The following INPP5B variants were observed in gnomAD, a reference collection of about 807,000 sequenced individuals.
The protein encoded by INPP5B is type II inositol 1,4,5-trisphosphate 5-phosphatase.
INPP5B carries 90 observed loss-of-function variants against 118.5 expected under a neutral mutation model. That is an observed-to-expected ratio of 0.76 (90% confidence interval 0.64 to 0.90). The LOEUF is 0.90. Ranked by LOEUF, INPP5B falls within the 40% of genes least tolerant of loss-of-function variation. The pLI, the probability that INPP5B is intolerant of heterozygous loss-of-function variation, is 0.00. For missense variants in INPP5B, 984 were observed against 1,125.6 expected (o/e 0.87, Z 1.80); for synonymous variants, 385 against 418.9 (o/e 0.92, Z 0.99).
chr1:37,928,977 G>A (rs1645345473), intron 7 of INPP5B: 1 of 152,064 alleles, frequency 6.6e-6, no homozygotes. Context: ...ACTCTCCTCT[G>A]AGGCCAGAAC....
intron 7 of INPP5B, among the ~76,000 whole-genome samples, chr1:37,903,750 C>A (rs944705777): frequency 1.3e-4 from 20 of 151,416 alleles, no homozygotes; most frequent in African/African-American, 4.9e-4. Context: ...ATTAGCTGGG[C>A]ATGGTAGTGC....
At chr1:37,922,699 A>T (rs1283438069) in intron 7 of INPP5B, among the ~76,000 whole-genome samples, 1 of 152,206 alleles carries the variant, frequency 6.6e-6, no homozygotes, top group Non-Finnish European at 1.5e-5. Flanking sequence ...CCGTCTCAAA[A>T]AAATAAATAA....
intron 15 of INPP5B, among the ~76,000 whole-genome samples, chr1:37,878,796 T>C (rs1389702313): frequency 1.3e-5 from 2 of 151,662 alleles, no homozygotes; most frequent in African/African-American, 4.8e-5. Context: ...ACTATAGGTG[T>C]GCACCGCCAT....
At chr1:37,912,249 C>T (rs144376942) in intron 7 of INPP5B, among the ~76,000 whole-genome samples, 7 of 152,320 alleles carry the variant, frequency 4.6e-5, no homozygotes, top group South Asian at 2.1e-4. Flanking sequence ...TATAGTACCC[C>T]AATGGCTGTT....
At chr1:37,876,745 G>A (rs1308375698) in intron 16 of INPP5B, among the ~76,000 whole-genome samples, 3 of 151,026 alleles carry the variant, frequency 2.0e-5, no homozygotes, top group African/African-American at 4.9e-5. Flanking sequence ...GTGTGGTGGC[G>A]GGCGCCTGCC....
In INPP5B at chr1:37,872,932, G is replaced by C; in HGVS notation, c.2185C>G (p.Leu729Val). ...TTTCTTTGTGGCATATTACTCACCA[G>C]CTCACTAATGGTTTCAAGTGGTAGG... Reference protein sequence around the residue: ...LDLPLETISELTLMPVWTGDD... With the variant: ...LDLPLETISEVTLMPVWTGDD... The change falls in exon 19 of 24, where the codon CTG becomes GTG. Residue 729 changes from leucine to valine, a missense_variant and splice_region_variant. Leu to Val is a conservative substitution (Grantham distance 32, BLOSUM62 1). Coordinates refer to ENST00000373024, the MANE Select transcript of INPP5B (RefSeq NM_005540.3). The C allele has an allele frequency of 1.2e-6, 2 of 1,609,620 alleles. No homozygotes were observed. Among genetic ancestry groups the C allele is most frequent in the African/African-American group, 1.3e-5 (1 of 74,934 alleles).
At position 37,875,731 on chromosome 1, in the gene INPP5B, T is replaced by G. The variant is rs748708214; in HGVS notation, c.1678-15A>C. 1.3e-6 allele frequency: 2 copies of G among 1,589,190 alleles called. No individual in the cohort carries two copies. The highest frequency in any genetic ancestry group is 2.7e-5 in the African/African-American group (2 of 74,442). ...ACGACCCTCACCTGAAAGGGAAACA[T>G]CAGAGACTGAGTACCTTGGCTTCTG... On this transcript the variant is annotated splice_polypyrimidine_tract_variant and intron_variant, in intron 16 of 23. Coordinates refer to ENST00000373024, the MANE Select transcript of INPP5B (RefSeq NM_005540.3).
intron 19 of INPP5B, among the ~76,000 whole-genome samples, chr1:37,869,628 C>T (rs527635078): frequency 1.3e-5 from 2 of 151,996 alleles, no homozygotes; most frequent in South Asian, 4.2e-4. Context: ...TACAGGCGCC[C>T]ACCACTGCAC....
chr1:37,878,400 T>G (rs1642976264), intron 15 of INPP5B, 77 bp from the exon 16 acceptor site: 7 of 1,572,830 alleles, frequency 4.5e-6, no homozygotes, highest in African/African-American at 1.3e-5. Flanking sequence ...CTGGCTCAGG[T>G]GGGGAGTGAT....
intron 7 of INPP5B, among the ~76,000 whole-genome samples, chr1:37,893,085 CTTTT>C (rs71053999): frequency 6.1e-5 from 5 of 81,422 alleles, no homozygotes; most frequent in South Asian, 8.1e-4. Flanking sequence ...TTTTCTTTTT[CTTTT>C]TTTTTTTTTT....
At chr1:37,943,522 G>A (rs2148700507) in intron 5 of INPP5B, 118 bp downstream of exon 5, 1 of 1,036,734 alleles carries the variant, frequency 9.6e-7, no homozygotes, top group East Asian at 2.4e-5. Flanking sequence ...AGATCCTACA[G>A]GGTCTTACTT....
chr1:37,889,740 T>C lies in INPP5B; in HGVS notation c.630-16A>G. ...TTTATTCTGTCTGGAAAAACAGAAGTATTTTTTTCATATGTGGATGAGTCC... is the reference window on the plus strand; with the variant it reads ...TTTATTCTGTCTGGAAAAACAGAAGCATTTTTTTCATATGTGGATGAGTCC... On this transcript the variant is annotated splice_polypyrimidine_tract_variant and intron_variant, in intron 8 of 23. Coordinates refer to ENST00000373024, the MANE Select transcript of INPP5B (RefSeq NM_005540.3). The C allele has an allele frequency of 2.5e-6, 4 of 1,596,712 alleles. No homozygotes were observed. The highest frequency in any genetic ancestry group is 3.4e-6 in the Non-Finnish European group (4 of 1,169,554).
chr1:37,864,589 A>G lies in INPP5B; in HGVS notation c.2515-166T>C, dbSNP rs1053556325. The G allele has an allele frequency of 7.2e-5, 35 of 488,444 alleles. 1 individual carries two copies. The Middle Eastern group carries it at 2.4e-3, about 34-fold the overall frequency. 30.3% of individuals were successfully genotyped at this position (488,444 alleles called of 1,614,324 possible). On this transcript the variant is annotated intron_variant, in intron 22 of 23. Transcript: ENST00000373024. ...AAGTATCAAAAGAGAGGTACGGGTC[A>G]AATGCAACATGAATTTAGAAGTCAA...
intron 14 of INPP5B, among the ~76,000 whole-genome samples, chr1:37,882,139 C>A (rs1015264765): frequency 6.6e-5 from 10 of 150,974 alleles, no homozygotes; most frequent in Non-Finnish European, 7.4e-5. Flanking sequence ...AGACTAATGA[C>A]AATACTAAGG....
intron 7 of INPP5B, among the ~76,000 whole-genome samples, chr1:37,896,270 C>T (rs1406360077): frequency 6.1e-5 from 9 of 148,500 alleles, no homozygotes; most frequent in Non-Finnish European, 1.0e-4. Context: ...GGAGCCCCTC[C>T]GCCCGGCAGC....
chr1:37,866,604 T>G (rs1320841848), intron 20 of INPP5B, 61 bp from the exon 21 acceptor site: 6 of 1,021,280 alleles, frequency 5.9e-6, no homozygotes, highest in African/African-American at 1.6e-5. Context: ...AATGATTTCC[T>G]GACCTGGCAA....
rs1642555089 is a variant in INPP5B at position 37,872,981 on chromosome 1, A to G, written c.2136T>C (p.Cys712=). 2 of 1,614,004 alleles carry G rather than the reference A, an allele frequency of 1.2e-6. No homozygotes were observed. Among genetic ancestry groups the G allele is most frequent in the African/African-American group, 2.7e-5 (2 of 74,914 alleles). ...SCFGSPIHTL[C]YMREPILDLP... is the part of the protein sequence containing the mutation. ...GGTCCAAGATTGGCTCTCTCATGTA[A>G]CACAGTGTATGAATGGGAGACCCAA... Residue 712 remains cysteine, a synonymous_variant, in exon 19 of 24, where the codon TGT becomes TGC. Transcript: ENST00000373024.
chr1:37,918,633 A>G (rs1186901198), intron 7 of INPP5B, among the ~76,000 whole-genome samples: 1 of 152,224 alleles, frequency 6.6e-6, no homozygotes, highest in Non-Finnish European at 1.5e-5. Flanking sequence ...CTTTGGAATA[A>G]AATAGAGCTG....
chr1:37,896,455 C>G (rs1440477664), intron 7 of INPP5B, among the ~76,000 whole-genome samples: 2 of 150,078 alleles, frequency 1.3e-5, no homozygotes, highest in Non-Finnish European at 3.0e-5. Flanking sequence ...CCAGCTGCCC[C>G]GTCCGGGAGG....
Sources: allele counts gnomAD v4.1 joint callset (sites outside exome capture counted in the v4.1 genomes callset), GRCh38; gene constraint gnomAD v4.1.1; transcripts MANE v1.5; gene names NCBI Gene and HGNC (gene_info 2026-07-23, HGNC 2026-07-21).